Variants in GRID2 observed in about 807,000 individuals in gnomAD.
GRID2 encodes glutamate ionotropic receptor delta type subunit 2, also known as glutamate receptor ionotropic, delta-2.
Under a neutral mutation model 114.8 loss-of-function variants are expected in GRID2, and 33 were observed. That is an observed-to-expected ratio of 0.29 (90% confidence interval 0.22 to 0.38). The LOEUF (loss-of-function observed/expected upper bound fraction) is 0.38, where lower values mean the gene tolerates loss of function less well. Ranked by LOEUF, GRID2 falls within the 10% of genes least tolerant of loss-of-function variation. The pLI is 1.00. For missense variants in GRID2, 1,184 were observed against 1,257.7 expected (o/e 0.94, Z 0.89); for synonymous variants, 505 against 449.9 (o/e 1.12, Z -1.55).
intron 2 of GRID2, among the ~76,000 whole-genome samples, chr4:92,671,190 C>T (rs1439075178): frequency 6.6e-6 from 1 of 151,886 alleles, no homozygotes; most frequent in Admixed American, 6.6e-5. Flanking sequence ...CTTACCATGG[C>T]AGACAGGAGA....
chr4:92,940,713 A>G (rs904860228), intron 2 of GRID2, among the ~76,000 whole-genome samples: 3 of 152,052 alleles, frequency 2.0e-5, no homozygotes, highest in African/African-American at 7.2e-5. Flanking sequence ...TTTGTCATAG[A>G]TAGCTCTTAT....
chr4:92,480,549 T>C (rs1722534840), intron 1 of GRID2, among the ~76,000 whole-genome samples: 1 of 152,086 alleles, frequency 6.6e-6, no homozygotes, highest in Non-Finnish European at 1.5e-5. Context: ...AACAGAAATG[T>C]ATTCTCTCAC....
chr4:92,574,585 GC>G (rs1214889846), intron 1 of GRID2, among the ~76,000 whole-genome samples: 1 of 151,866 alleles, frequency 6.6e-6, no homozygotes, highest in African/African-American at 2.4e-5. Flanking sequence ...TATTTTTGAA[GC>G]TGAGTTTGTC....
At chr4:92,791,402 C>A (rs1206537115) in intron 2 of GRID2, among the ~76,000 whole-genome samples, 2 of 151,720 alleles carry the variant, frequency 1.3e-5, no homozygotes, top group African/African-American at 4.8e-5. Context: ...TAATGTAAAA[C>A]ATCTGAGTAC....
At chr4:93,104,328 T>G (rs912790771) in intron 3 of GRID2, among the ~76,000 whole-genome samples, 27 of 152,286 alleles carry the variant, frequency 1.8e-4, no homozygotes, top group Middle Eastern at 3.4e-3. Context: ...TGATTATACT[T>G]TAAGTTTTAG....
chr4:93,734,051 T>G (rs1730718799), intron 14 of GRID2, among the ~76,000 whole-genome samples: 1 of 152,068 alleles, frequency 6.6e-6, no homozygotes, highest in South Asian at 2.1e-4. Flanking sequence ...AGATTTGCAT[T>G]GAAACTCTGC....
rs147326597 is a variant in GRID2 at position 93,444,368 on chromosome 4, C to T, written c.1546-11294C>T. On this transcript the variant is annotated intron_variant, in intron 10 of 15. Coordinates refer to ENST00000282020, the MANE Select transcript of GRID2 (RefSeq NM_001510.4). ...GAGGGAGCTAGGAGAAGGAATAGCACGTGGTTTCTGAGAAACAGTGTAGCA... is the reference window on the plus strand; with the variant it reads ...GAGGGAGCTAGGAGAAGGAATAGCATGTGGTTTCTGAGAAACAGTGTAGCA... Among the ~76,000 whole-genome samples the T allele has an allele frequency of 5.3e-3, 813 of 151,972 alleles. 12 individuals are homozygous for T. Among genetic ancestry groups the T allele is most frequent in the African/African-American group, 0.019 (775 of 41,490 alleles).
chr4:93,653,733 A>G (rs1402482054), intron 14 of GRID2, among the ~76,000 whole-genome samples: 2 of 152,042 alleles, frequency 1.3e-5, no homozygotes, highest in African/African-American at 4.8e-5. Flanking sequence ...TGTCTCAACA[A>G]CCTACTTTTA....
intron 2 of GRID2, among the ~76,000 whole-genome samples, chr4:92,818,482 AACTT>A (rs1356685126): frequency 6.6e-6 from 1 of 152,166 alleles, no homozygotes; most frequent in East Asian, 1.9e-4. Flanking sequence ...ACGAAGGCCC[AACTT>A]AATAAGAGCT....
rs938442092 is a variant in GRID2 at position 92,949,146 on chromosome 4, G to A, written c.245-135849G>A. 4.0e-5 allele frequency among the ~76,000 whole-genome samples: 6 copies of A among 151,710 alleles called. No homozygotes were observed. In the East Asian group the frequency reaches 1.2e-3, roughly 29 times the overall value. On this transcript the variant is annotated intron_variant, in intron 2 of 15. Transcript: ENST00000282020. ...AGACAAAGAAAATGTGTGTGTGTGT[G>A]TGTGTCTGTGTGTGTGTGTGAGAGA...
At chr4:92,948,761 T>C (rs967969543) in intron 2 of GRID2, among the ~76,000 whole-genome samples, 3 of 152,026 alleles carry the variant, frequency 2.0e-5, no homozygotes, top group Non-Finnish European at 4.4e-5. Context: ...CTTTTGCAAA[T>C]TGAAGTATAA....
intron 2 of GRID2, among the ~76,000 whole-genome samples, chr4:92,662,268 A>G (rs887753430): frequency 1.3e-5 from 2 of 150,992 alleles, no homozygotes; most frequent in African/African-American, 4.8e-5. Flanking sequence ...ATACATTGCT[A>G]TTAACGGGCC....
At chr4:93,153,616 G>T (rs1175210413) in intron 4 of GRID2, among the ~76,000 whole-genome samples, 1 of 152,042 alleles carries the variant, frequency 6.6e-6, no homozygotes, top group Non-Finnish European at 1.5e-5. Flanking sequence ...GACATAGCAT[G>T]AGTTTTCTCC....
chr4:92,701,705 A>G (rs778321450), intron 2 of GRID2, among the ~76,000 whole-genome samples: 1 of 152,208 alleles, frequency 6.6e-6, no homozygotes, highest in African/African-American at 2.4e-5. Flanking sequence ...AAGCCAGGAC[A>G]TATTTTCTTG....
intron 14 of GRID2, among the ~76,000 whole-genome samples, chr4:93,633,930 C>T (rs948339866): frequency 6.6e-6 from 1 of 152,142 alleles, no homozygotes; most frequent in African/African-American, 2.4e-5. Flanking sequence ...TGATTGCCCA[C>T]TTAGTAGCTC....
intron 1 of GRID2, among the ~76,000 whole-genome samples, chr4:92,440,108 A>G (rs1381275854): frequency 1.4e-5 from 2 of 145,958 alleles, no homozygotes; most frequent in East Asian, 2.0e-4. Flanking sequence ...ATTCTGAGAA[A>G]CGAAAGTGGT....
At chr4:92,573,683 G>A (rs1489390305) in intron 1 of GRID2, among the ~76,000 whole-genome samples, 1 of 152,134 alleles carries the variant, frequency 6.6e-6, no homozygotes, top group Non-Finnish European at 1.5e-5. Context: ...GGGACTGTTT[G>A]TTATTATTTC....
At chr4:93,758,745 GC>G (rs984919092) in intron 14 of GRID2, among the ~76,000 whole-genome samples, 1 of 152,010 alleles carries the variant, frequency 6.6e-6, no homozygotes, top group African/African-American at 2.4e-5. Context: ...TATACACAAA[GC>G]AAAATAAGTT....
At chr4:92,597,889 A>T (rs1284093523) in intron 2 of GRID2, among the ~76,000 whole-genome samples, 2 of 152,220 alleles carry the variant, frequency 1.3e-5, no homozygotes, top group East Asian at 3.8e-4. Context: ...TCATGTTGAC[A>T]AACCAATGAT....
Sources: allele counts gnomAD v4.1 joint callset (sites outside exome capture counted in the v4.1 genomes callset), GRCh38; gene constraint gnomAD v4.1.1; transcripts MANE v1.5; gene names NCBI Gene and HGNC (gene_info 2026-07-23, HGNC 2026-07-21).